The following BARD1 variants were observed in gnomAD, a reference collection of about 807,000 sequenced individuals.
BARD1 encodes BRCA1-associated RING domain protein 1.
Under a neutral mutation model 77.0 loss-of-function variants are expected in BARD1, and 73 were observed. The observed-to-expected ratio is 0.95, with a 90% CI of 0.79 to 1.15. The LOEUF is 1.15. BARD1 is among the 50% of genes most tolerant of loss of function. BARD1 has a pLI of 0.00. For missense variants in BARD1, 993 were observed against 938.8 expected (o/e 1.06, Z -0.75); for synonymous variants, 384 against 338.0 (o/e 1.14, Z -1.49).
rs2106135008 is a variant in BARD1, at chr2:214,792,388, C to T, written c.273G>A (p.Trp91Ter). 1.2e-6 allele frequency: 2 copies of T among 1,612,558 alleles called. No individual in the cohort carries two copies. The highest frequency in any genetic ancestry group is 1.7e-6 in the Non-Finnish European group (2 of 1,179,592). ...GTCTATTTATCTTCAAGTCTTGTAT[C>T]CAGGCCGGGGTGTAACACACTGGAC... The part of the protein sequence containing the change: ...TGCPVCYTPA[W>*]IQDLKINRQL... Residue 91 changes from tryptophan to a stop codon, truncating the protein, a stop_gained, in exon 3 of 11, where the codon TGG (tryptophan) becomes TGA (stop). Transcript: ENST00000260947. LOFTEE classifies it high-confidence loss of function.
chr2:214,785,448 G>A (rs1190192603), intron 3 of BARD1, among the ~76,000 whole-genome samples: 1 of 151,908 alleles, frequency 6.6e-6, no homozygotes, highest in South Asian at 2.1e-4. Flanking sequence ...CCAGCACAGT[G>A]GTGAGCACAT....
chr2:214,805,728 T>C (rs1696238901), intron 1 of BARD1, among the ~76,000 whole-genome samples: 1 of 151,276 alleles, frequency 6.6e-6, no homozygotes, highest in Non-Finnish European at 1.5e-5. Context: ...TATGAGAGAA[T>C]ACAAAATTAA....
Position 214,750,965 on chromosome 2 carries a change from G to T in BARD1, c.1677+1482C>A, listed in dbSNP as rs1271010366. Among the ~76,000 whole-genome samples, 3 of 151,230 alleles carry T rather than the reference G, an allele frequency of 2.0e-5. No individual in the cohort carries two copies. The South Asian group carries it at 6.3e-4, about 32-fold the overall frequency. On this transcript the variant is annotated intron_variant, in intron 7 of 10. Coordinates refer to ENST00000260947, the MANE Select transcript of BARD1 (RefSeq NM_000465.4). ...TTAATTCTATATAAAGTAATAAATT[G>T]TCTTCAAGCATTTGAGAAAAGGTTT...
At chr2:214,773,326 T>A (rs1359498306) in intron 4 of BARD1, among the ~76,000 whole-genome samples, 1 of 152,186 alleles carries the variant, frequency 6.6e-6, no homozygotes, top group African/African-American at 2.4e-5. Flanking sequence ...AGCCTTTCCA[T>A]GTAAATGAAC....
intron 5 of BARD1, among the ~76,000 whole-genome samples, chr2:214,768,054 G>A (rs1252768616): frequency 6.6e-6 from 1 of 152,178 alleles, no homozygotes; most frequent in Middle Eastern, 3.2e-3. Context: ...ATGCAACAAA[G>A]TAAGTATCCG....
intron 3 of BARD1, among the ~76,000 whole-genome samples, chr2:214,782,987 A>G (rs1695109380): frequency 6.6e-6 from 1 of 152,204 alleles, no homozygotes; most frequent in African/African-American, 2.4e-5. Context: ...GGCAAGAGCA[A>G]GATGATAAAA....
chr2:214,756,923 A>G (rs1693721897), intron 6 of BARD1, among the ~76,000 whole-genome samples: 1 of 152,174 alleles, frequency 6.6e-6, no homozygotes, highest in Non-Finnish European at 1.5e-5. Context: ...ACAAATCACC[A>G]CTAAAAAACT....
In BARD1 at chr2:214,730,604, C is replaced by T. The variant is rs532833921; in HGVS notation, c.1904-96G>A. 81 of 983,208 alleles carry T rather than the reference C, an allele frequency of 8.2e-5. 2 individuals carry two copies. The South Asian group carries it at 1.0e-3, about 12-fold the overall frequency. 60.9% of individuals were successfully genotyped at this position (983,208 alleles called of 1,614,324 possible). On this transcript the variant is annotated intron_variant, in intron 9 of 10. Transcript: ENST00000260947. ...GCAATTTACCTAAGTGGTTTTTCTT[C>T]TTCATGGCAGTTTTTAAGTATTATT...
At chr2:214,764,523 A>G (rs1694106407) in intron 6 of BARD1, among the ~76,000 whole-genome samples, 1 of 152,198 alleles carries the variant, frequency 6.6e-6, no homozygotes, top group South Asian at 2.1e-4. Flanking sequence ...AAAAATTCAG[A>G]AAAGCTGGTG....
In BARD1 at chr2:214,728,743, CA is replaced by C; in HGVS notation, c.2266del (p.Trp756GlyfsTer9). 3.7e-6 allele frequency: 6 copies of C among 1,614,174 alleles called. No homozygotes were observed. The highest frequency in any genetic ancestry group is 5.1e-6 in the Non-Finnish European group (6 of 1,180,028). On this transcript the variant is annotated frameshift_variant, in exon 11 of 11. Coordinates refer to ENST00000260947, the MANE Select transcript of BARD1 (RefSeq NM_000465.4). LOFTEE classifies it high-confidence loss of function. ...HPERVRQGKVWKAPSSWFIDC... is the reference protein window; with the variant it reads ...HPERVRQGKVXKAPSSWFIDC... ...TATAAACCAGCTCGAAGGAGCCTTC[CA>C]GACTTTGCCCTGCCGAACCCTCTCT... is the stretch of plus-strand genomic sequence containing the variant.
In BARD1 at chr2:214,787,757, A is replaced by G. The variant is rs1695335906; in HGVS notation, c.364+4540T>C. Among the ~76,000 whole-genome samples, 3 of 152,030 alleles carry G rather than the reference A, an allele frequency of 2.0e-5. No homozygotes were observed. The South Asian group carries it at 6.2e-4, about 32-fold the overall frequency. On this transcript the variant is annotated intron_variant, in intron 3 of 10. Transcript: ENST00000260947. Reference sequence around the variant, plus strand: ...TGGCCAAGTTTTTTCTTACAATTTAATAATCAACTATAGAAAAAAGAGGCA... The same window carrying G: ...TGGCCAAGTTTTTTCTTACAATTTAGTAATCAACTATAGAAAAAAGAGGCA...
intron 6 of BARD1, among the ~76,000 whole-genome samples, chr2:214,765,709 T>C (rs1305312343): frequency 2.0e-5 from 3 of 151,916 alleles, no homozygotes; most frequent in Non-Finnish European, 4.4e-5. Context: ...TACAAAGAAA[T>C]AGGTCCATGT....
chr2:214,801,127 ACT>A (rs1489352448), intron 1 of BARD1, among the ~76,000 whole-genome samples: 1 of 152,156 alleles, frequency 6.6e-6, no homozygotes, highest in African/African-American at 2.4e-5. Context: ...TGTCCTATTG[ACT>A]CTGTCAACTA....
chr2:214,734,459 C>T (rs1469355661), intron 9 of BARD1, among the ~76,000 whole-genome samples: 1 of 152,078 alleles, frequency 6.6e-6, no homozygotes, highest in East Asian at 1.9e-4. Context: ...CCTGTAAATA[C>T]TATCAGACAG....
chr2:214,747,766 T>C (rs1412421444), intron 7 of BARD1, among the ~76,000 whole-genome samples: 3 of 146,752 alleles, frequency 2.0e-5, no homozygotes, highest in Non-Finnish European at 4.5e-5. Context: ...AAATGACGAG[T>C]TAATGGGTGC....
intron 1 of BARD1, 88 bp downstream of exon 1, chr2:214,809,324 G>C (rs1362109080): frequency 6.4e-7 from 1 of 1,560,152 alleles, no homozygotes; most frequent in African/African-American, 1.4e-5. Flanking sequence ...ACGGAAGGAG[G>C]AAACGGAAGA....
rs756424600 is a variant in BARD1, at chr2:214,767,484, A to C, written c.1566T>G (p.Ala522=). The C allele has an allele frequency of 6.2e-7, 1 of 1,613,176 alleles. No homozygotes were observed. ...LLLSYGASRN[A]VNIFGLRPVD... is the part of the protein sequence containing the mutation. ...AATTTTTACGTTGAACTACTTACAC[A>C]GCATTTCTGGAGGCTCCATAGGAAA... is the stretch of plus-strand genomic sequence containing the variant. Residue 522 remains alanine (A), a splice_region_variant and synonymous_variant, in exon 6 of 11, where the codon GCT becomes GCG. Transcript: ENST00000260947.
At chr2:214,795,275 C>T (rs1182706498) in intron 2 of BARD1, among the ~76,000 whole-genome samples, 1 of 152,072 alleles carries the variant, frequency 6.6e-6, no homozygotes, top group Non-Finnish European at 1.5e-5. Context: ...GTACATTTCA[C>T]GTGGAAGAAA....
At chr2:214,730,383 A>G (rs1559373747) in intron 10 of BARD1, 28 bp downstream of exon 10, 1 of 1,576,290 alleles carries the variant, frequency 6.3e-7, no homozygotes, top group Admixed American at 1.7e-5. Flanking sequence ...TAATAAGAAC[A>G]ATGAAAGTTG....
Sources: allele counts gnomAD v4.1 joint callset (sites outside exome capture counted in the v4.1 genomes callset), GRCh38; gene constraint gnomAD v4.1.1; transcripts MANE v1.5; gene names NCBI Gene and HGNC (gene_info 2026-07-23, HGNC 2026-07-21).